GRM8: variants seen among roughly 807,000 people sequenced by gnomAD.
GRM8 encodes glutamate metabotropic receptor 8.
Under a neutral mutation model 87.2 loss-of-function variants are expected in GRM8, and 47 were observed. The observed-to-expected ratio is 0.54, with a 90% CI of 0.43 to 0.69. The LOEUF is 0.69. Among genes scored for constraint, GRM8 ranks in the 30% least tolerant of loss-of-function variants. The pLI is 0.00. For synonymous variants in GRM8, 396 were observed against 404.5 expected (o/e 0.98, Z 0.25); for missense variants, 1,019 against 1,139.2 (o/e 0.89, Z 1.52).
At chr7:126,705,751 G>A (rs982620601) in intron 7 of GRM8, among the ~76,000 whole-genome samples, 9 of 152,070 alleles carry the variant, frequency 5.9e-5, no homozygotes, top group African/African-American at 2.2e-4. Context: ...GAAAACATTG[G>A]AGAGCCTCAA....
chr7:126,864,864 A>G (rs565554431), intron 6 of GRM8, among the ~76,000 whole-genome samples: 1 of 149,870 alleles, frequency 6.7e-6, no homozygotes, highest in East Asian at 1.9e-4. Flanking sequence ...GACCCCATAT[A>G]TGGTAGCAGT....
At position 127,055,583 on chromosome 7, in the gene GRM8, G is replaced by A. The variant is rs991541620; in HGVS notation, c.727+50913C>T. On this transcript the variant is annotated intron_variant, in intron 3 of 10. Transcript: ENST00000339582. The stretch of plus-strand genomic sequence containing the variant: ...CAAATGGCCTAAAAGAAAGGTGATT[G>A]CAAAAGACTTATTCACATTACTAAC... 1.0e-3 allele frequency among the ~76,000 whole-genome samples: 152 copies of A among 152,208 alleles called. 1 individual carries two copies. The highest frequency in any genetic ancestry group is 3.5e-3 in the African/African-American group (146 of 41,526).
intron 3 of GRM8, among the ~76,000 whole-genome samples, chr7:126,998,063 A>G: frequency 6.6e-6 from 1 of 152,020 alleles, no homozygotes; most frequent in Non-Finnish European, 1.5e-5. Flanking sequence ...CAATACATTA[A>G]AAAGATCATT....
At chr7:127,085,531 G>T (rs1163282456) in intron 3 of GRM8, among the ~76,000 whole-genome samples, 1 of 152,124 alleles carries the variant, frequency 6.6e-6, no homozygotes, top group Non-Finnish European at 1.5e-5. Context: ...ATCTCATTGT[G>T]GTTTTGATTT....
At chr7:127,106,733 C>A (rs1272364791) in intron 2 of GRM8, 21 bp from the exon 3 acceptor site, 5 of 1,483,244 alleles carry the variant, frequency 3.4e-6, no homozygotes, top group South Asian at 1.1e-5. Context: ...AATGATGGGT[C>A]ATTTCAACCC....
intron 3 of GRM8, among the ~76,000 whole-genome samples, chr7:126,933,678 T>C (rs1172234507): frequency 6.6e-6 from 1 of 152,072 alleles, no homozygotes; most frequent in Non-Finnish European, 1.5e-5. Context: ...CAATTCCTAG[T>C]TGTAAATAAA....
intron 3 of GRM8, among the ~76,000 whole-genome samples, chr7:126,972,889 C>T (rs572111949): frequency 6.6e-6 from 1 of 152,218 alleles, no homozygotes; most frequent in East Asian, 1.9e-4. Context: ...ATAGTTCTGC[C>T]TACTGGGAAC....
At chr7:126,702,199 C>T (rs923497106) in intron 7 of GRM8, among the ~76,000 whole-genome samples, 8 of 152,128 alleles carry the variant, frequency 5.3e-5, no homozygotes, top group African/African-American at 9.7e-5. Context: ...AAGACTCACA[C>T]AGTATACAAA....
chr7:126,609,100 A>G (rs746042448), intron 8 of GRM8, among the ~76,000 whole-genome samples: 3 of 152,186 alleles, frequency 2.0e-5, no homozygotes, highest in Non-Finnish European at 4.4e-5. Context: ...CTTTCATAAA[A>G]GGGCAAAATT....
Position 127,159,639 on chromosome 7 carries a change from CCTT to C in GRM8, c.511-52930_511-52928del, listed in dbSNP as rs200454442. Among the ~76,000 whole-genome samples, 1,484 of 152,218 alleles carry C rather than the reference CCTT, an allele frequency of 9.7e-3. 30 individuals carry two copies. The highest frequency in any genetic ancestry group is 0.034 in the African/African-American group (1,423 of 41,544). ...TGTAATTTTTAAATTGTGTGTATCT[CCTT>C]AAGATAATCCTCATTTAGTAAATCA... is the stretch of plus-strand genomic sequence containing the variant. On this transcript the variant is annotated intron_variant, in intron 2 of 10. Transcript: ENST00000339582.
intron 9 of GRM8, among the ~76,000 whole-genome samples, chr7:126,499,348 A>G (rs568476285): frequency 1.3e-5 from 2 of 151,864 alleles, no homozygotes; most frequent in South Asian, 2.1e-4. Context: ...AAACCCTTCT[A>G]TACTCACTGT....
At chr7:127,105,388 T>C (rs1224431748) in intron 3 of GRM8, 1 of 152,218 alleles carries the variant, frequency 6.6e-6, no homozygotes, top group East Asian at 1.9e-4. Flanking sequence ...AGCACAAATG[T>C]AGAACAAATG....
intron 7 of GRM8, among the ~76,000 whole-genome samples, chr7:126,710,574 G>A (rs1811000894): frequency 6.6e-6 from 1 of 152,130 alleles, no homozygotes; most frequent in African/African-American, 2.4e-5. Context: ...ATTCAAATTT[G>A]ATTATGGAAT....
chr7:126,952,350 T>C (rs181032638), intron 3 of GRM8, among the ~76,000 whole-genome samples: 7 of 152,060 alleles, frequency 4.6e-5, no homozygotes, highest in Non-Finnish European at 7.4e-5. Flanking sequence ...GGCTGTAGAA[T>C]CCCAATTAAT....
intron 2 of GRM8, among the ~76,000 whole-genome samples, chr7:127,213,301 C>G (rs1179571482): frequency 3.3e-5 from 5 of 152,312 alleles, no homozygotes; most frequent in Middle Eastern, 3.4e-3. Flanking sequence ...CTTCTGAGCA[C>G]TTGACATGTG....
chr7:127,221,269 AG>A (rs1455020797), intron 2 of GRM8, among the ~76,000 whole-genome samples: 4 of 152,210 alleles, frequency 2.6e-5, no homozygotes, highest in Non-Finnish European at 5.9e-5. Context: ...GTACAAGCCA[AG>A]CCTCCTGTTA....
chr7:127,183,522 T>C (rs1331869813), intron 2 of GRM8, among the ~76,000 whole-genome samples: 2 of 151,518 alleles, frequency 1.3e-5, no homozygotes, highest in African/African-American at 4.8e-5. Flanking sequence ...CCAAAATTTG[T>C]GGTATTCAGT....
At chr7:126,450,471 A>C (rs1225443169) in intron 9 of GRM8, among the ~76,000 whole-genome samples, 1 of 151,842 alleles carries the variant, frequency 6.6e-6, no homozygotes, top group Non-Finnish European at 1.5e-5. Context: ...ACCAGCTAGA[A>C]AGCTACACTA....
intron 6 of GRM8, among the ~76,000 whole-genome samples, chr7:126,823,062 A>G (rs1471410539): frequency 6.6e-6 from 1 of 152,216 alleles, no homozygotes; most frequent in Non-Finnish European, 1.5e-5. Context: ...CTACTAAGCC[A>G]CTTATACATA....
Sources: gnomAD v4.1 joint callset for allele counts (sites outside exome capture counted in the v4.1 genomes callset) on GRCh38, gnomAD v4.1.1 for gene constraint, MANE v1.5 for transcripts, NCBI Gene and HGNC (gene_info 2026-07-23, HGNC 2026-07-21) for gene names.